The following BRIP1 variants were observed in gnomAD, a reference collection of about 807,000 sequenced individuals.
The protein encoded by BRIP1 is BRCA1 interacting DNA helicase 1.
In BRIP1, 88 loss-of-function variants were observed where a neutral mutation model predicts 119.7. The ratio of observed to expected loss-of-function variants is 0.74; its 90% CI spans 0.62 to 0.88. The LOEUF (loss-of-function observed/expected upper bound fraction) is 0.88. BRIP1 is among the 40% of genes least tolerant of loss of function. The probability of loss-of-function intolerance (pLI) is 0.00; values close to 1 mark genes in which losing one functional copy is unlikely to be tolerated. For synonymous variants in BRIP1, 443 were observed against 496.5 expected (o/e 0.89, Z 1.43); for missense variants, 1,259 against 1,455.4 (o/e 0.87, Z 2.20).
In BRIP1 at chr17:61,852,539, G is replaced by A. The variant is rs1252275932; in HGVS notation, c.380-3283C>T. Among the ~76,000 whole-genome samples, 2 of 152,032 alleles carry A rather than the reference G, an allele frequency of 1.3e-5. No individual in the cohort carries two copies. The highest frequency in any genetic ancestry group is 2.9e-5 in the Non-Finnish European group (2 of 68,002). On this transcript the variant is annotated intron_variant, in intron 4 of 19. Transcript: ENST00000259008. This position sits in a 1 kb window ranked among gnomAD's most constrained non-coding sequence, Gnocchi z 4.9. ...AAAAATCAGCCGGGCGTGGTGGCAG[G>A]TGCCTGTAATCCCAGCTACTCAGGA...
intron 13 of BRIP1, among the ~76,000 whole-genome samples, chr17:61,779,885 G>A (rs1265657634): frequency 3.9e-5 from 6 of 152,214 alleles, no homozygotes; most frequent in African/African-American, 1.4e-4. Flanking sequence ...AAACACGAGT[G>A]AGCCAAGATC....
rs2078057079 is a variant in BRIP1 at position 61,805,187 on chromosome 17, A to T, written c.918+3280T>A. On this transcript the variant is annotated intron_variant, in intron 7 of 19. Coordinates refer to ENST00000259008, the MANE Select transcript of BRIP1 (RefSeq NM_032043.3). This position sits in a 1 kb window ranked among gnomAD's most constrained non-coding sequence, Gnocchi z 5.6. The stretch of plus-strand genomic sequence containing the variant: ...ACAAATGTATCTAGATATTGCTAGA[A>T]ACAAAGTAAACCATAAGAGATTCAT... Among the ~76,000 whole-genome samples, 1 of 152,186 alleles carries T rather than the reference A, an allele frequency of 6.6e-6. No homozygotes were observed. The highest frequency in any genetic ancestry group is 1.5e-5 in the Non-Finnish European group (1 of 68,038).
rs2077515192 is a variant in BRIP1 at position 61,775,226 on chromosome 17, C to T, written c.2097+1175G>A. ...TCACACTGGAATAAATCTTGTTTTC[C>T]ATTAAGAATTTTAAAAAATGTTTAT... is the stretch of plus-strand genomic sequence containing the variant. On this transcript the variant is annotated intron_variant, in intron 14 of 19. Coordinates refer to ENST00000259008, the MANE Select transcript of BRIP1 (RefSeq NM_032043.3). This position sits in a 1 kb window ranked among gnomAD's most constrained non-coding sequence, Gnocchi z 4.4. 2.0e-5 allele frequency among the ~76,000 whole-genome samples: 3 copies of T among 152,034 alleles called. No homozygotes were observed. The highest frequency in any genetic ancestry group is 7.2e-5 in the African/African-American group (3 of 41,398).
Position 61,738,633 on chromosome 17 carries a change from GA to G in BRIP1, c.2379+4379del, listed in dbSNP as rs2144638155. Among the ~76,000 whole-genome samples, 1 of 152,240 alleles carries G rather than the reference GA, an allele frequency of 6.6e-6. No individual in the cohort carries two copies. The highest frequency in any genetic ancestry group is 1.9e-4 in the East Asian group (1 of 5,182). On this transcript the variant is annotated intron_variant, in intron 16 of 19. Transcript: ENST00000259008. The surrounding 1 kb of genome is among the most constrained non-coding windows in gnomAD (Gnocchi z 4.2). ...TTATCCTGAGGAAAAAAAGCATTAA[GA>G]ACCCCAGATTGGTATAATAACAATG...
intron 4 of BRIP1, among the ~76,000 whole-genome samples, chr17:61,854,187 T>C (rs557459970): frequency 2.0e-5 from 3 of 152,116 alleles, no homozygotes; most frequent in African/African-American, 4.8e-5. Flanking sequence ...GAGGATCACT[T>C]GGTTCCAGGA....
At position 61,780,136 on chromosome 17, in the gene BRIP1, A is replaced by T; in HGVS notation, c.1935+125T>A. On this transcript the variant is annotated intron_variant, in intron 13 of 19. Coordinates refer to ENST00000259008, the MANE Select transcript of BRIP1 (RefSeq NM_032043.3). This position sits in a 1 kb window ranked among gnomAD's most constrained non-coding sequence, Gnocchi z 5.4. ...CTGACAGATTTTCTTTTATTGTAAA[A>T]CTGGAATGTTGAATTTCCTACCAAG... 9.6e-7 allele frequency: 1 copy of T among 1,039,890 alleles called. No homozygotes were observed. Among genetic ancestry groups the T allele is most frequent in the Non-Finnish European group, 1.4e-6 (1 of 690,792 alleles). 64.4% of individuals were successfully genotyped at this position (1,039,890 alleles called of 1,614,324 possible). A position where few individuals can be genotyped will look rare whatever the true frequency, so the allele number is the denominator to read the frequency against.
intron 17 of BRIP1, among the ~76,000 whole-genome samples, chr17:61,697,511 A>T (rs1410767498): frequency 6.6e-6 from 1 of 152,030 alleles, no homozygotes; most frequent in Non-Finnish European, 1.5e-5. Context: ...AGGTAGTAAC[A>T]TCCCCTCTTT....
Position 61,683,978 on chromosome 17 carries a change from AGCTCAGGT to A in BRIP1, c.3060_3067del (p.Pro1021ArgfsTer6). 4 of 1,614,158 alleles carry A rather than the reference AGCTCAGGT, an allele frequency of 2.5e-6. No homozygotes were observed. The highest frequency in any genetic ancestry group is 3.4e-6 in the Non-Finnish European group (4 of 1,180,030). On this transcript the variant is annotated frameshift_variant, in exon 20 of 20. Transcript: ENST00000259008. LOFTEE classifies it low-confidence loss of function (END_TRUNC). The surrounding 1 kb of genome is among the most constrained non-coding windows in gnomAD (Gnocchi z 4.7). ...AGAGGCACTATTCTCTGATGACCCG[AGCTCAGGT>A]GTTGCCTTCGGTATTTTACCAGTAA... is the stretch of plus-strand genomic sequence containing the variant.
At chr17:61,771,870 G>A (rs1187045689) in intron 14 of BRIP1, among the ~76,000 whole-genome samples, 1 of 152,014 alleles carries the variant, frequency 6.6e-6, no homozygotes, top group African/African-American at 2.4e-5. Context: ...GCTAAGGCAG[G>A]AGAATCACTG....
At position 61,699,734 on chromosome 17, in the gene BRIP1, T is replaced by A. The variant is rs1371092313; in HGVS notation, c.2493-6222A>T. Among the ~76,000 whole-genome samples the A allele has an allele frequency of 6.6e-6, 1 of 152,232 alleles. No homozygotes were observed. Among genetic ancestry groups the A allele is most frequent in the Non-Finnish European group, 1.5e-5 (1 of 68,032 alleles). ...ATTCAGGAGGGTACCTGTGATTGAC[T>A]GATAAGAGTGTCTCACTGTGCCTGA... On this transcript the variant is annotated intron_variant, in intron 17 of 19. Coordinates refer to ENST00000259008, the MANE Select transcript of BRIP1 (RefSeq NM_032043.3). The surrounding 1 kb of genome is among the most constrained non-coding windows in gnomAD (Gnocchi z 4.8).
At chr17:61,781,840 G>C (rs1366215585) in intron 11 of BRIP1, among the ~76,000 whole-genome samples, 1 of 150,934 alleles carries the variant, frequency 6.6e-6, no homozygotes, top group African/African-American at 2.4e-5. Context: ...AGAATCACTT[G>C]AACCCGGGAG....
At position 61,825,901 on chromosome 17, in the gene BRIP1, C is replaced by A. The variant is rs921344053; in HGVS notation, c.628-17144G>T. Among the ~76,000 whole-genome samples the A allele has an allele frequency of 7.2e-5, 11 of 152,134 alleles. No individual in the cohort carries two copies. In the East Asian group the frequency reaches 1.4e-3, roughly 19 times the overall value. Reference sequence around the variant, plus strand: ...ATTCTTCAGAGAACTAGGAAAAACTCTTTTAAAACTCATATGGAACCAAAA... The same window carrying A: ...ATTCTTCAGAGAACTAGGAAAAACTATTTTAAAACTCATATGGAACCAAAA... On this transcript the variant is annotated intron_variant, in intron 6 of 19. Transcript: ENST00000259008. The surrounding 1 kb of genome is among the most constrained non-coding windows in gnomAD (Gnocchi z 4.1).
chr17:61,740,135 A>C lies in BRIP1; in HGVS notation c.2379+2878T>G, dbSNP rs1175832968. 2.6e-5 allele frequency among the ~76,000 whole-genome samples: 4 copies of C among 152,030 alleles called. No homozygotes were observed. Among genetic ancestry groups the C allele is most frequent in the Non-Finnish European group, 4.4e-5 (3 of 68,018 alleles). On this transcript the variant is annotated intron_variant, in intron 16 of 19. Transcript: ENST00000259008. The surrounding 1 kb of genome is among the most constrained non-coding windows in gnomAD (Gnocchi z 5.4). The stretch of plus-strand genomic sequence containing the variant: ...GTATAATTTCCTGACCACAGCACAG[A>C]GCATTAAAGTACAAGCAGAGCGCAG...
rs1488264110 is a variant in BRIP1 at position 61,861,503 on chromosome 17, C to T, written c.37G>A (p.Val13Met). The T allele has an allele frequency of 6.2e-7, 1 of 1,613,184 alleles. No individual in the cohort carries two copies. Among genetic ancestry groups the T allele is most frequent in the Non-Finnish European group, 8.5e-7 (1 of 1,179,352 alleles). ...GCTTTATAAGGAAAGTAAATCTTCACCCCACCAATTGTATATTCAGACCAC... is the reference window on the plus strand; with the variant it reads ...GCTTTATAAGGAAAGTAAATCTTCATCCCACCAATTGTATATTCAGACCAC... ...SMWSEYTIGG[V>M]KIYFPYKAYP... is the part of the protein sequence containing the mutation. Residue 13 changes from valine (V) to methionine (M), a missense_variant, in exon 2 of 20, where the codon GTG becomes ATG. Around this residue, in one of 3 missense-constraint regions of BRIP1, gnomAD observed 501 missense variants for 544.0 expected, o/e 0.92. Coordinates refer to ENST00000259008, the MANE Select transcript of BRIP1 (RefSeq NM_032043.3). The surrounding 1 kb of genome is among the most constrained non-coding windows in gnomAD (Gnocchi z 4.5).
rs1346157050 is a variant in BRIP1, at chr17:61,735,139, G to A, written c.2379+7874C>T. On this transcript the variant is annotated intron_variant, in intron 16 of 19. Coordinates refer to ENST00000259008, the MANE Select transcript of BRIP1 (RefSeq NM_032043.3). This position sits in a 1 kb window ranked among gnomAD's most constrained non-coding sequence, Gnocchi z 4.4. The stretch of plus-strand genomic sequence containing the variant: ...CATCATCTCTTTTCATAGGGAATAG[G>A]AGTATGGCAGACACACCCTAAGGTG... 1.3e-5 allele frequency among the ~76,000 whole-genome samples: 2 copies of A among 152,100 alleles called. No individual in the cohort carries two copies. Among genetic ancestry groups the A allele is most frequent in the Non-Finnish European group, 1.5e-5 (1 of 68,020 alleles).
chr17:61,731,126 A>C (rs1430065386), intron 16 of BRIP1, among the ~76,000 whole-genome samples: 2 of 152,092 alleles, frequency 1.3e-5, no homozygotes, highest in Non-Finnish European at 2.9e-5. Context: ...GGAGGAAAAA[A>C]AAGGTTTAAG....
intron 14 of BRIP1, among the ~76,000 whole-genome samples, chr17:61,750,414 T>TA (rs1281058339): frequency 6.6e-6 from 1 of 151,958 alleles, no homozygotes; most frequent in Non-Finnish European, 1.5e-5. Flanking sequence ...TATAAAACTC[T>TA]AAAAGAAAAA....
Position 61,857,449 on chromosome 17 carries a change from C to T in BRIP1, c.206-218G>A, listed in dbSNP as rs1467813248. 1.3e-5 allele frequency among the ~76,000 whole-genome samples: 2 copies of T among 152,130 alleles called. No homozygotes were observed. The highest frequency in any genetic ancestry group is 4.8e-5 in the African/African-American group (2 of 41,430). On this transcript the variant is annotated intron_variant, in intron 3 of 19. Coordinates refer to ENST00000259008, the MANE Select transcript of BRIP1 (RefSeq NM_032043.3). The surrounding 1 kb of genome is among the most constrained non-coding windows in gnomAD (Gnocchi z 5.1). The stretch of plus-strand genomic sequence containing the variant: ...AATAAGCCAAAAACATTTGGTTGGA[C>T]ACAGTGGCTCACGCCTGTTATCCTA...
Position 61,693,067 on chromosome 17 carries a change from T to C in BRIP1, c.2575+363A>G, listed in dbSNP as rs146430174. 7.7e-3 allele frequency among the ~76,000 whole-genome samples: 1,170 copies of C among 152,278 alleles called. 15 individuals carry two copies. Among genetic ancestry groups the C allele is most frequent in the Non-Finnish European group, 0.01 (696 of 68,002 alleles). The stretch of plus-strand genomic sequence containing the variant: ...TTGAAAAGAAGGAAATCCTGCAACA[T>C]AGATGAACCTTGAGGACATTATGCT... On this transcript the variant is annotated intron_variant, in intron 18 of 19. Coordinates refer to ENST00000259008, the MANE Select transcript of BRIP1 (RefSeq NM_032043.3). The surrounding 1 kb of genome is among the most constrained non-coding windows in gnomAD (Gnocchi z 4.2).
Sources: allele counts gnomAD v4.1 joint callset (sites outside exome capture counted in the v4.1 genomes callset), GRCh38; gene constraint gnomAD v4.1.1; regional missense constraint gnomAD v4.1.1; non-coding constraint Gnocchi (gnomAD v3.1); transcripts MANE v1.5; gene names NCBI Gene and HGNC (gene_info 2026-07-23, HGNC 2026-07-21).